Variants in TM4SF1 observed in about 807,000 individuals in gnomAD.
The protein encoded by TM4SF1 is transmembrane 4 L six family member 1.
TM4SF1 carries 20 observed loss-of-function variants against 24.5 expected under a neutral mutation model. That is an observed-to-expected ratio of 0.82 (90% CI 0.57 to 1.19). The LOEUF is 1.19. Ranked by LOEUF, TM4SF1 falls within the 50% of genes most tolerant of loss-of-function variation. The pLI is 0.00. For synonymous variants in TM4SF1, 107 were observed against 95.4 expected, an observed-to-expected ratio of 1.12 and a Z score of -0.71; for missense variants, 258 against 248.1, an observed-to-expected ratio of 1.04 and a Z score of -0.27.
chr3:149,376,519 T>A (rs962383704), intron 1 of TM4SF1, among the ~76,000 whole-genome samples: 1 of 152,130 alleles, frequency 6.6e-6, no homozygotes, highest in Non-Finnish European at 1.5e-5. Flanking sequence ...TAAAATAAAA[T>A]TAAATAAAAT....
intron 4 of TM4SF1, 96 bp downstream of exon 4, chr3:149,371,591 G>C: frequency 8.1e-7 from 1 of 1,235,538 alleles, no homozygotes; most frequent in Non-Finnish European, 1.2e-6. Context: ...AATGCTGGTA[G>C]GTCGAGCATG....
intron 4 of TM4SF1, chr3:149,371,282 T>C (rs754338129): frequency 7.9e-6 from 2 of 254,366 alleles, no homozygotes; most frequent in Non-Finnish European, 1.5e-5. Flanking sequence ...TTGAGTCATA[T>C]GGGTTTAGCA....
At chr3:149,375,311 A>T (rs1319519700) in intron 3 of TM4SF1, 132 bp downstream of exon 3, 3 of 1,152,774 alleles carry the variant, frequency 2.6e-6, no homozygotes, top group Non-Finnish European at 3.7e-6. Context: ...ACCATGCCTG[A>T]GTCAGTGAGA....
chr3:149,375,810 A>T lies in TM4SF1; in HGVS notation c.178-41T>A, dbSNP rs761218452. On this transcript the variant is annotated intron_variant, in intron 1 of 4. Transcript: ENST00000305366. Reference sequence around the variant, plus strand: ...ACAAAGTCAGGTCATTGTCTTGCTCAGGCTCATATGGGTCAGGTTAGGCAT... The same window carrying T: ...ACAAAGTCAGGTCATTGTCTTGCTCTGGCTCATATGGGTCAGGTTAGGCAT... 8 of 1,590,622 alleles carry T rather than the reference A, an allele frequency of 5.0e-6. No individual in the cohort carries two copies. In the South Asian group the frequency reaches 8.8e-5, roughly 18 times the overall value.
chr3:149,371,694 TGA>T lies in TM4SF1; in HGVS notation c.585_586del (p.His196ProfsTer5). On this transcript the variant is annotated frameshift_variant, in exon 4 of 5. Coordinates refer to ENST00000305366, the MANE Select transcript of TM4SF1 (RefSeq NM_014220.3). LOFTEE classifies it high-confidence loss of function. ...TTTCATGCAGGTTCTTACCTGTTGG[TGA>T]GAGCAGCAAAAGCCACATATGCCTC... 6.2e-7 allele frequency: 1 copy of T among 1,614,098 alleles called. No individual in the cohort carries two copies. The highest frequency in any genetic ancestry group is 8.5e-7 in the Non-Finnish European group (1 of 1,179,994).
Position 149,369,322 on chromosome 3 carries a change from A to G in TM4SF1, c.*544T>C, listed in dbSNP as rs1731765357. ...ATTCATTTGGATTGGAACATTCTCA[A>G]TCAGTCCTTCCACTCTAAGTAAATA... On this transcript the variant is annotated 3_prime_UTR_variant, in exon 5 of 5. Coordinates refer to ENST00000305366, the MANE Select transcript of TM4SF1 (RefSeq NM_014220.3). 1 of 153,280 alleles carries G rather than the reference A, an allele frequency of 6.5e-6. No individual in the cohort carries two copies. The highest frequency in any genetic ancestry group is 2.4e-5 in the African/African-American group (1 of 41,452). 9.5% of individuals were successfully genotyped at this position (153,280 alleles called of 1,614,324 possible).
rs747050363 is a variant in TM4SF1, at chr3:149,377,452, A to C, written c.96T>G (p.Asn32Lys). The change falls in exon 1 of 5, where the codon AAT (asparagine) becomes AAG (lysine). Residue 32 changes from asparagine to lysine, a missense_variant. Asn to Lys is a moderately conservative substitution (Grantham distance 94, BLOSUM62 0). Coordinates refer to ENST00000305366, the MANE Select transcript of TM4SF1 (RefSeq NM_014220.3). ...IAANILLYFP[N>K]GETKYASENH... Reference sequence around the variant, plus strand: ...TTTCGGAGGCATACTTTGTTTCCCCATTGGGAAAGTAAAGCAAAATATTAG... The same window carrying C: ...TTTCGGAGGCATACTTTGTTTCCCCCTTGGGAAAGTAAAGCAAAATATTAG... 1 of 1,614,230 alleles carries C rather than the reference A, an allele frequency of 6.2e-7. No homozygotes were observed. Among genetic ancestry groups the C allele is most frequent in the East Asian group, 2.2e-5 (1 of 44,888 alleles).
At position 149,371,868 on chromosome 3, in the gene TM4SF1, C is replaced by T. The variant is rs1343313378; in HGVS notation, c.414-1G>A. The T allele has an allele frequency of 6.2e-7, 1 of 1,613,622 alleles. No individual in the cohort carries two copies. ...CCATGTGGAGGTATCCAGAAGGTAC[C>T]TGTGGGTAAAAAGAGAAACTTCTGA... On this transcript the variant is annotated splice_acceptor_variant, in intron 3 of 4. Transcript: ENST00000305366. LOFTEE classifies it high-confidence loss of function.
chr3:149,374,736 C>T (rs1731907546), intron 3 of TM4SF1, among the ~76,000 whole-genome samples: 1 of 151,654 alleles, frequency 6.6e-6, no homozygotes, highest in African/African-American at 2.4e-5. Context: ...TATATGAGTG[C>T]ATGTATACAC....
chr3:149,374,100 A>G (rs899462357), intron 3 of TM4SF1, among the ~76,000 whole-genome samples: 3 of 130,900 alleles, frequency 2.3e-5, no homozygotes, highest in Non-Finnish European at 3.3e-5. Context: ...TAATATTAAC[A>G]GCTAACAGTG....
chr3:149,375,468 A>G lies in TM4SF1; in HGVS notation c.388T>C (p.Tyr130His), dbSNP rs1731926817. The G allele has an allele frequency of 6.2e-7, 1 of 1,614,212 alleles. No individual in the cohort carries two copies. Among genetic ancestry groups the G allele is most frequent in the East Asian group, 2.2e-5 (1 of 44,888 alleles). The change falls in exon 3 of 5, where the codon TAC becomes CAC. Residue 130 changes from tyrosine (Y) to histidine (H), a missense_variant. Tyr to His is a moderately conservative substitution (Grantham distance 83). Coordinates refer to ENST00000305366, the MANE Select transcript of TM4SF1 (RefSeq NM_014220.3). Reference sequence around the variant, plus strand: ...TGGCCCTCAGTGCTGGCAAAGGTGTAGTTCCACTGGCCGAGGGAATCAAGA... The same window carrying G: ...TGGCCCTCAGTGCTGGCAAAGGTGTGGTTCCACTGGCCGAGGGAATCAAGA... ...LCLDSLGQWNYTFASTEGQYL... is the reference protein window; with the variant it reads ...LCLDSLGQWNHTFASTEGQYL...
intron 4 of TM4SF1, 155 bp downstream of exon 4, chr3:149,371,532 G>T: frequency 1.3e-6 from 1 of 757,798 alleles, no homozygotes; most frequent in Non-Finnish European, 2.2e-6. Context: ...GTTACTGACA[G>T]CTAAAGTGAA....
intron 3 of TM4SF1, 146 bp from the exon 4 acceptor site, chr3:149,372,013 C>T: frequency 1.4e-6 from 1 of 716,188 alleles, no homozygotes; most frequent in Non-Finnish European, 2.3e-6. Flanking sequence ...CATGTCATTC[C>T]ACAAAATGGA....
In TM4SF1 at chr3:149,369,759, TG is replaced by T. The variant is rs750370532; in HGVS notation, c.*106del. ...TACAGGCGTTTGTAAAAGTAGACTG[TG>T]GGGAGTATGTTACACTAATACAAAG... On this transcript the variant is annotated 3_prime_UTR_variant, in exon 5 of 5. Coordinates refer to ENST00000305366, the MANE Select transcript of TM4SF1 (RefSeq NM_014220.3). The T allele has an allele frequency of 7.2e-7, 1 of 1,394,932 alleles. No homozygotes were observed. 86.4% of individuals were successfully genotyped at this position (1,394,932 alleles called of 1,614,324 possible). A position where few individuals can be genotyped will look rare whatever the true frequency, so the allele number is the denominator to read the frequency against.
rs1395104200 is a variant in TM4SF1 at position 149,375,651 on chromosome 3, AT to A, written c.267+28del. ...GTGCCACAGCTACATCTTAGGAGTCATTTTCACCACCAGGGCAGGAGGACCT... is the reference window on the plus strand; with the variant it reads ...GTGCCACAGCTACATCTTAGGAGTCATTTCACCACCAGGGCAGGAGGACCT... On this transcript the variant is annotated intron_variant, in intron 2 of 4. Coordinates refer to ENST00000305366, the MANE Select transcript of TM4SF1 (RefSeq NM_014220.3). The A allele has an allele frequency of 1.9e-6, 3 of 1,614,188 alleles. No individual in the cohort carries two copies. In the Admixed American group the frequency reaches 5.0e-5, roughly 27 times the overall value.
At chr3:149,377,247 A>G in intron 1 of TM4SF1, 124 bp downstream of exon 1, 3 of 1,231,740 alleles carry the variant, frequency 2.4e-6, no homozygotes, top group Non-Finnish European at 3.4e-6. Flanking sequence ...TTTCAAAGGA[A>G]TGAACAGCAA....
intron 1 of TM4SF1, among the ~76,000 whole-genome samples, chr3:149,376,597 ACTAT>A (rs1731960735): frequency 1.3e-5 from 2 of 152,236 alleles, no homozygotes; most frequent in Non-Finnish European, 2.9e-5. Flanking sequence ...TAAATGTTTT[ACTAT>A]CTTTTACTTG....
At chr3:149,375,224 G>T (rs898766232) in intron 3 of TM4SF1, among the ~76,000 whole-genome samples, 6 of 152,010 alleles carry the variant, frequency 3.9e-5, no homozygotes, top group Non-Finnish European at 8.8e-5. Flanking sequence ...AAAAAAGAAA[G>T]AAAGAAAAGA....
chr3:149,370,632 G>A (rs2108376501), intron 4 of TM4SF1: 1 of 152,076 alleles, frequency 6.6e-6, no homozygotes. Context: ...CATATTGAAG[G>A]TTTCCCATTC....
Sources: gnomAD v4.1 joint callset for allele counts (sites outside exome capture counted in the v4.1 genomes callset) on GRCh38, gnomAD v4.1.1 for gene constraint, MANE v1.5 for transcripts, NCBI Gene and HGNC (gene_info 2026-07-23, HGNC 2026-07-21) for gene names.